CA4: variants seen among roughly 807,000 people sequenced by gnomAD.
CA4 encodes CA-IV.
In CA4, 24 loss-of-function variants were observed where a neutral mutation model predicts 34.5. That is an observed-to-expected ratio of 0.70 (90% CI 0.50 to 0.98). The LOEUF is 0.98. Ranked by LOEUF, CA4 falls within the 50% of genes least tolerant of loss-of-function variation. The pLI, the probability that CA4 is intolerant of heterozygous loss-of-function variation, is 0.00. For synonymous variants in CA4, 178 were observed against 170.6 expected, an observed-to-expected ratio of 1.04 and a Z score of -0.34; for missense variants, 394 against 396.7, an observed-to-expected ratio of 0.99 and a Z score of 0.06.
intron 1 of CA4, among the ~76,000 whole-genome samples, chr17:60,153,551 C>T (rs1450671066): frequency 6.6e-6 from 1 of 152,208 alleles, no homozygotes; most frequent in Non-Finnish European, 1.5e-5. Context: ...TTCCTTTGCA[C>T]TGCAGACTCA....
the CA4 span, among the ~76,000 whole-genome samples, chr17:60,177,893 G>A: frequency 6.6e-6 from 1 of 152,064 alleles, no homozygotes; most frequent in Non-Finnish European, 1.5e-5. Flanking sequence ...TCAACTTGCA[G>A]GGTCTAAATG....
At chr17:60,152,787 T>C (rs345189) in intron 1 of CA4, among the ~76,000 whole-genome samples, 34,905 of 152,130 alleles carry the variant, frequency 0.23, 8,946 homozygotes, top group African/African-American at 0.64. Flanking sequence ...ATTATCTCCT[T>C]AGTCACCAGC....
intron 5 of CA4, among the ~76,000 whole-genome samples, chr17:60,167,734 G>T (rs1408701679): frequency 6.6e-6 from 1 of 152,164 alleles, no homozygotes. Context: ...GTGGGATCTG[G>T]GTGTACAAGG....
At chr17:60,151,521 T>C (rs1260172418) in intron 1 of CA4, 1 of 152,260 alleles carries the variant, frequency 6.6e-6, no homozygotes, top group Non-Finnish European at 1.5e-5. Context: ...TGTAGCTGTG[T>C]GGTCTTGGGT....
At chr17:60,175,942 A>T in the CA4 span, among the ~76,000 whole-genome samples, 4 of 149,708 alleles carry the variant, frequency 2.7e-5, no homozygotes, top group Non-Finnish European at 5.9e-5. Flanking sequence ...TCAGCCTCCC[A>T]AGTAGCTGGG....
chr17:60,175,189 ATTT>A (rs555031745), downstream of CA4, among the ~76,000 whole-genome samples: 18 of 107,684 alleles, frequency 1.7e-4, no homozygotes, highest in Non-Finnish European at 2.1e-4. Flanking sequence ...CACCCAGCTG[ATTT>A]TTTTTTTTTT....
intron 5 of CA4, among the ~76,000 whole-genome samples, chr17:60,168,706 G>A (rs2145308206): frequency 6.6e-6 from 1 of 152,306 alleles, no homozygotes; most frequent in East Asian, 1.9e-4. Context: ...CCTAGAGGCA[G>A]TGGTCACGTT....
intron 3 of CA4, 129 bp downstream of exon 3, chr17:60,156,844 A>C: frequency 1.2e-6 from 1 of 848,468 alleles, no homozygotes. Context: ...TGAAAATCCC[A>C]TGGGGGAGGA....
At chr17:60,164,238 TTC>T (rs2083830434), downstream of CA4, among the ~76,000 whole-genome samples, 1 of 145,284 alleles carries the variant, frequency 6.9e-6, no homozygotes, top group Non-Finnish European at 1.5e-5. Context: ...CTCTTTCTCT[TTC>T]TTTCTTCCTT....
At chr17:60,154,717 G>T (rs1210977879) in intron 1 of CA4, among the ~76,000 whole-genome samples, 1 of 152,202 alleles carries the variant, frequency 6.6e-6, no homozygotes, top group East Asian at 1.9e-4. Flanking sequence ...CAGAGATCAG[G>T]ACTGTGCGGT....
intron 1 of CA4, among the ~76,000 whole-genome samples, chr17:60,153,595 C>T (rs550749433): frequency 6.6e-6 from 1 of 152,204 alleles, no homozygotes; most frequent in Non-Finnish European, 1.5e-5. Flanking sequence ...ATCCAAGAAC[C>T]CTCTCTTGGG....
chr17:60,165,386 G>A (rs970457241), intron 5 of CA4, among the ~76,000 whole-genome samples: 15 of 152,168 alleles, frequency 9.9e-5, no homozygotes, highest in Non-Finnish European at 1.9e-4. Context: ...GAGCATCAGA[G>A]GGAGAAAAGG....
At chr17:60,153,858 G>A (rs532110832) in intron 1 of CA4, among the ~76,000 whole-genome samples, 20 of 152,206 alleles carry the variant, frequency 1.3e-4, no homozygotes, top group African/African-American at 4.3e-4. Flanking sequence ...TGGGCCATCA[G>A]GGGGAGGACA....
At chr17:60,169,816 G>A (rs1428386887) in intron 5 of CA4, among the ~76,000 whole-genome samples, 3 of 152,236 alleles carry the variant, frequency 2.0e-5, no homozygotes, top group African/African-American at 7.2e-5. Context: ...AGTCAGCTAT[G>A]GAGTTTGAAT....
At chr17:60,176,447 C>T in the CA4 span, among the ~76,000 whole-genome samples, 2 of 151,846 alleles carry the variant, frequency 1.3e-5, no homozygotes, top group African/African-American at 2.4e-5. Flanking sequence ...TTGGATCTCC[C>T]AGACAGACGA....
chr17:60,160,928 A>C (rs2083781066), downstream of CA4, among the ~76,000 whole-genome samples: 9 of 127,032 alleles, frequency 7.1e-5, no homozygotes, highest in Admixed American at 1.6e-4. Flanking sequence ...GGAGGGAGGA[A>C]GCAGGGGGAG....
At chr17:60,170,009 G>T (rs1276711468) in intron 5 of CA4, among the ~76,000 whole-genome samples, 2 of 152,186 alleles carry the variant, frequency 1.3e-5, no homozygotes, top group African/African-American at 2.4e-5. Context: ...AAAAACAATG[G>T]GCTGCTCTGG....
downstream of CA4, among the ~76,000 whole-genome samples, chr17:60,162,546 T>TACACACAC (rs770876140): frequency 2.8e-3 from 367 of 132,224 alleles, 1 homozygote; most frequent in African/African-American, 4.7e-3. Flanking sequence ...CTGCATGGGG[T>TACACACAC]ACACACACAC....
intron 1 of CA4, among the ~76,000 whole-genome samples, chr17:60,154,362 G>A (rs1189238436): frequency 2.6e-5 from 4 of 152,112 alleles, no homozygotes; most frequent in Admixed American, 2.6e-4. Flanking sequence ...TTTGTCTCAT[G>A]TTACAGATGA....
Sources: allele counts gnomAD v4.1 joint callset (sites outside exome capture counted in the v4.1 genomes callset), GRCh38; gene constraint gnomAD v4.1.1; transcripts MANE v1.5; gene names NCBI Gene and HGNC (gene_info 2026-07-23, HGNC 2026-07-21).